ENTPD1: variants seen among roughly 807,000 people sequenced by gnomAD.
The protein encoded by ENTPD1 is ATP diphosphohydrolase.
ENTPD1 carries 33 observed loss-of-function variants against 57.0 expected under a neutral mutation model. That is an observed-to-expected ratio of 0.58 (90% CI 0.44 to 0.77). The LOEUF is 0.77. Among genes scored for constraint, ENTPD1 ranks in the 30% least tolerant of loss-of-function variants. The pLI, the probability that ENTPD1 is intolerant of heterozygous loss-of-function variation, is 0.00. For synonymous variants in ENTPD1, 202 were observed against 218.8 expected, an observed-to-expected ratio of 0.92 and a Z score of 0.68; for missense variants, 501 against 603.4, an observed-to-expected ratio of 0.83 and a Z score of 1.78.
At chr10:95,852,336 T>C (rs2098446816) in intron 7 of ENTPD1, among the ~76,000 whole-genome samples, 1 of 152,216 alleles carries the variant, frequency 6.6e-6, no homozygotes, top group Non-Finnish European at 1.5e-5. Flanking sequence ...ATTAGCCCTT[T>C]GTCAGATGAT....
chr10:95,697,323 C>T, the ENTPD1 span, among the ~76,000 whole-genome samples: 1 of 151,988 alleles, frequency 6.6e-6, no homozygotes, highest in Admixed American at 6.6e-5. Context: ...GGAGGCAGTC[C>T]ATGTATACTT....
chr10:95,835,128 T>C (rs2098406585), intron 2 of ENTPD1, among the ~76,000 whole-genome samples: 1 of 152,176 alleles, frequency 6.6e-6, no homozygotes, highest in Admixed American at 6.6e-5. Context: ...TAGTGTTTAT[T>C]GTTCCCGTCT....
chr10:95,718,810 T>C (rs1054906377), intron 1 of ENTPD1, among the ~76,000 whole-genome samples: 1 of 152,152 alleles, frequency 6.6e-6, no homozygotes, highest in Non-Finnish European at 1.5e-5. Flanking sequence ...AGTATACAAG[T>C]TGAGGTTGGG....
intron 1 of ENTPD1, among the ~76,000 whole-genome samples, chr10:95,730,001 A>G (rs2097987588): frequency 6.6e-6 from 1 of 152,038 alleles, no homozygotes; most frequent in Non-Finnish European, 1.5e-5. Flanking sequence ...AATTCACTGG[A>G]TTTGATTATT....
At chr10:95,723,093 T>C (rs1024273244) in intron 1 of ENTPD1, among the ~76,000 whole-genome samples, 3 of 152,226 alleles carry the variant, frequency 2.0e-5, no homozygotes, top group African/African-American at 7.2e-5. Context: ...GGGTTGTCAG[T>C]GGTCTCAGTG....
chr10:95,694,671 A>T, the ENTPD1 span, among the ~76,000 whole-genome samples: 1 of 109,078 alleles, frequency 9.2e-6, no homozygotes, highest in Non-Finnish European at 2.1e-5. Flanking sequence ...ATGGAAATAG[A>T]AGATTTTTTT....
the ENTPD1 span, among the ~76,000 whole-genome samples, chr10:95,700,726 A>G: frequency 2.0e-5 from 3 of 152,138 alleles, no homozygotes; most frequent in Non-Finnish European, 4.4e-5. Context: ...AATAAAACAA[A>G]TAAGTCCAAA....
intron 1 of ENTPD1, among the ~76,000 whole-genome samples, chr10:95,819,578 A>G (rs985851646): frequency 3.3e-5 from 5 of 152,162 alleles, no homozygotes; most frequent in Admixed American, 1.3e-4. Flanking sequence ...AAAAGTCTTG[A>G]AGGTATTTTT....
At chr10:95,778,141 A>G (rs7914736) in intron 1 of ENTPD1, among the ~76,000 whole-genome samples, 2 of 152,246 alleles carry the variant, frequency 1.3e-5, no homozygotes, top group African/African-American at 2.4e-5. Flanking sequence ...CTCGTCCTCC[A>G]TGGGCTGCAC....
chr10:95,787,464 T>TAA (rs2098184702), intron 1 of ENTPD1, among the ~76,000 whole-genome samples: 1 of 152,194 alleles, frequency 6.6e-6, no homozygotes, highest in Non-Finnish European at 1.5e-5. Context: ...AGATAGTATT[T>TAA]GGCTGTATGA....
intron 1 of ENTPD1, among the ~76,000 whole-genome samples, chr10:95,719,111 C>T (rs2097974715): frequency 6.6e-6 from 1 of 152,196 alleles, no homozygotes; most frequent in Admixed American, 6.5e-5. Context: ...GCTTCAGATA[C>T]TAAGACTGCT....
At chr10:95,852,698 C>T (rs950690686) in intron 7 of ENTPD1, among the ~76,000 whole-genome samples, 2 of 152,162 alleles carry the variant, frequency 1.3e-5, no homozygotes, top group African/African-American at 4.8e-5. Flanking sequence ...ATCCTTTCCC[C>T]ATTGTTTGTT....
chr10:95,833,392 T>C (rs2098402032), intron 2 of ENTPD1: 1 of 152,238 alleles, frequency 6.6e-6, no homozygotes. Context: ...GGTCTCTAAA[T>C]GTTTATAGGC....
chr10:95,842,732 AT>A (rs1223286142), intron 4 of ENTPD1, among the ~76,000 whole-genome samples: 5 of 151,528 alleles, frequency 3.3e-5, no homozygotes, highest in African/African-American at 7.3e-5. Flanking sequence ...CCTATGGGGG[AT>A]TCAAAGGGGA....
At chr10:95,781,018 A>G (rs1181183893) in intron 1 of ENTPD1, among the ~76,000 whole-genome samples, 2 of 152,230 alleles carry the variant, frequency 1.3e-5, no homozygotes, top group African/African-American at 4.8e-5. Context: ...CTAAGTGTCC[A>G]TCGACAGATG....
chr10:95,729,277 A>G (rs573095253), intron 1 of ENTPD1, among the ~76,000 whole-genome samples: 1 of 152,326 alleles, frequency 6.6e-6, no homozygotes, highest in East Asian at 1.9e-4. Flanking sequence ...ATGAAGCATG[A>G]AAAGTACCTA....
rs2098475826 is a variant in ENTPD1, at chr10:95,867,563, G to C, written c.*1180G>C. 1.0e-6 allele frequency: 1 copy of C among 985,324 alleles called. No individual in the cohort carries two copies. Among genetic ancestry groups the C allele is most frequent in the Admixed American group, 6.2e-5 (1 of 16,260 alleles). The allele number at this position is 985,324 out of a possible 1,614,324, so 61.0% of individuals were successfully genotyped here. The stretch of plus-strand genomic sequence containing the variant: ...TGGAATTTACACATCAGAATGTGCA[G>C]GATCCAAGTCTGAAAGTGTTGCCAC... On this transcript the variant is annotated 3_prime_UTR_variant, in exon 10 of 10. Coordinates refer to ENST00000371205, the MANE Select transcript of ENTPD1 (RefSeq NM_001776.6).
chr10:95,847,593 A>C lies in ENTPD1; in HGVS notation c.961A>C (p.Asn321His), dbSNP rs1046257854. The C allele has an allele frequency of 6.2e-7, 1 of 1,614,170 alleles. No individual in the cohort carries two copies. Among genetic ancestry groups the C allele is most frequent in the Non-Finnish European group, 8.5e-7 (1 of 1,180,022 alleles). Reference protein sequence around the residue: ...FQQFEIQGIGNYQQCHQSILE... With the variant: ...FQQFEIQGIGHYQQCHQSILE... ...GCAGTTTGAAATCCAGGGTATTGGA[A>C]ACTATCAACAATGCCATCAAAGCAT... The change falls in exon 7 of 10, where the codon AAC (asparagine) becomes CAC (histidine). Residue 321 changes from asparagine to histidine, a missense_variant. By Grantham distance (68) the Asn-to-His change is moderately conservative (BLOSUM62 1). Coordinates refer to ENST00000371205, the MANE Select transcript of ENTPD1 (RefSeq NM_001776.6).
At chr10:95,822,805 T>A (rs1236834859) in intron 1 of ENTPD1, among the ~76,000 whole-genome samples, 1 of 152,220 alleles carries the variant, frequency 6.6e-6, no homozygotes, top group East Asian at 1.9e-4. Context: ...CATGGAATAG[T>A]GGGATTTGTT....
Sources: gnomAD v4.1 joint callset for allele counts (sites outside exome capture counted in the v4.1 genomes callset) on GRCh38, gnomAD v4.1.1 for gene constraint, MANE v1.5 for transcripts, NCBI Gene and HGNC (gene_info 2026-07-23, HGNC 2026-07-21) for gene names.